VPS8: variants seen among roughly 807,000 people sequenced by gnomAD.
VPS8 encodes vacuolar protein sorting-associated protein 8 homolog.
Under a neutral mutation model 216.4 loss-of-function variants are expected in VPS8, and 129 were observed. The observed-to-expected ratio is 0.60, with a 90% CI of 0.52 to 0.69. The LOEUF is 0.69. Ranked by LOEUF, VPS8 falls within the 30% of genes least tolerant of loss-of-function variation. The pLI is 0.00. For missense variants in VPS8, 1,531 were observed against 1,683.5 expected (o/e 0.91, Z 1.59); for synonymous variants, 571 against 565.4 (o/e 1.01, Z -0.14).
intron 46 of VPS8, among the ~76,000 whole-genome samples, chr3:185,039,899 A>G (rs1440432566): frequency 6.6e-6 from 1 of 152,146 alleles, no homozygotes; most frequent in African/African-American, 2.4e-5. Flanking sequence ...CAAGCAGAGG[A>G]AGTTTCAGCA....
intron 46 of VPS8, among the ~76,000 whole-genome samples, chr3:185,042,155 T>C (rs1479629344): frequency 6.6e-6 from 1 of 152,262 alleles, no homozygotes; most frequent in Non-Finnish European, 1.5e-5. Context: ...GTGGGTATTA[T>C]TCCAGACATC....
At chr3:184,998,001 C>T (rs1752841740) in intron 44 of VPS8, among the ~76,000 whole-genome samples, 1 of 152,026 alleles carries the variant, frequency 6.6e-6, no homozygotes, top group African/African-American at 2.4e-5. Context: ...AGTGCAGAGA[C>T]CATGAGGCGG....
chr3:184,905,599 T>C (rs1735348292), intron 25 of VPS8, among the ~76,000 whole-genome samples: 1 of 150,102 alleles, frequency 6.7e-6, no homozygotes, highest in African/African-American at 2.5e-5. Context: ...TTAGAAGCTC[T>C]TTAGGTAGAA....
intron 19 of VPS8, 121 bp from the exon 20 acceptor site, chr3:184,869,361 C>A: frequency 1.9e-6 from 2 of 1,030,384 alleles, no homozygotes; most frequent in Admixed American, 2.4e-5. Flanking sequence ...ATTTTGATAG[C>A]TAAGAATTGT....
chr3:184,952,382 A>G (rs890644740), intron 36 of VPS8, among the ~76,000 whole-genome samples: 1 of 152,204 alleles, frequency 6.6e-6, no homozygotes, highest in Non-Finnish European at 1.5e-5. Flanking sequence ...GACACTATGT[A>G]TCTGGAGTTA....
At chr3:184,822,864 G>A (rs1372430865) in intron 1 of VPS8, among the ~76,000 whole-genome samples, 1 of 152,196 alleles carries the variant, frequency 6.6e-6, no homozygotes, top group Non-Finnish European at 1.5e-5. Context: ...CAGGCAAAGA[G>A]TGGCCTCAGT....
intron 10 of VPS8, among the ~76,000 whole-genome samples, chr3:184,851,158 A>T (rs1031856432): frequency 2.6e-5 from 4 of 152,230 alleles, no homozygotes; most frequent in Non-Finnish European, 5.9e-5. Context: ...TACAAGAGAA[A>T]TCCTTTTGCA....
At chr3:184,871,204 A>AATATAT (rs71272847) in intron 21 of VPS8, among the ~76,000 whole-genome samples, 4 of 149,262 alleles carry the variant, frequency 2.7e-5, no homozygotes, top group Admixed American at 1.3e-4. Context: ...ATCAATCACA[A>AATATAT]ATATATATAT....
At chr3:184,873,861 C>T (rs962751460) in intron 21 of VPS8, among the ~76,000 whole-genome samples, 5 of 152,016 alleles carry the variant, frequency 3.3e-5, no homozygotes, top group East Asian at 1.9e-4. Flanking sequence ...AGTAACTTTG[C>T]GTCAATTTTC....
In VPS8 at chr3:184,885,882, A is replaced by G. The variant is rs1423333610; in HGVS notation, c.1735-228A>G. The G allele has an allele frequency of 9.1e-6, 4 of 438,564 alleles. No homozygotes were observed. The Admixed American group carries it at 1.1e-4, about 12-fold the overall frequency. The allele number at this position is 438,564 out of a possible 1,614,324, so 27.2% of individuals were successfully genotyped here. ...AGTGAACACCTTAATGCATTAAAAT[A>G]ATTTTTATTCTTAAACATATTTAGG... On this transcript the variant is annotated intron_variant, in intron 21 of 47. Coordinates refer to ENST00000625842, the MANE Select transcript of VPS8 (RefSeq NM_001009921.3).
intron 21 of VPS8, among the ~76,000 whole-genome samples, chr3:184,879,729 T>A (rs1729946864): frequency 6.6e-6 from 1 of 151,816 alleles, no homozygotes; most frequent in Non-Finnish European, 1.5e-5. Flanking sequence ...AAGGCAACTC[T>A]GTGAGGATTC....
chr3:184,905,016 C>CCT (rs1735231539), intron 25 of VPS8, among the ~76,000 whole-genome samples: 1 of 152,180 alleles, frequency 6.6e-6, no homozygotes, highest in South Asian at 2.1e-4. Flanking sequence ...CTTGCTGTGT[C>CCT]CTCACATGGC....
rs150970849 is a variant in VPS8, at chr3:185,019,063, G to A, written c.4003-5273G>A. ...GCTCTGTTACCTCTTCTGTTACTTCGTTGTACTCTCCTTCCTCCTCATCAT... is the reference window on the plus strand; with the variant it reads ...GCTCTGTTACCTCTTCTGTTACTTCATTGTACTCTCCTTCCTCCTCATCAT... On this transcript the variant is annotated intron_variant, in intron 45 of 47. Coordinates refer to ENST00000625842, the MANE Select transcript of VPS8 (RefSeq NM_001009921.3). 1.5e-3 allele frequency among the ~76,000 whole-genome samples: 229 copies of A among 152,164 alleles called. 1 individual carries two copies. Among genetic ancestry groups the A allele is most frequent in the Middle Eastern group, 3.4e-3 (1 of 294 alleles).
At chr3:184,848,916 T>C in intron 8 of VPS8, 155 bp from the exon 9 acceptor site, 2 of 727,214 alleles carry the variant, frequency 2.8e-6, no homozygotes, top group Non-Finnish European at 2.2e-6. Context: ...CAGCATCTGC[T>C]AGTTGCTCAA....
At chr3:184,939,639 G>T (rs1210569560) in intron 35 of VPS8, among the ~76,000 whole-genome samples, 3 of 151,686 alleles carry the variant, frequency 2.0e-5, no homozygotes, top group Non-Finnish European at 1.5e-5. Flanking sequence ...TGAGTAAATG[G>T]CAAAAACAGA....
In VPS8 at chr3:184,957,446, G is replaced by T. The variant is rs762452279; in HGVS notation, c.3108G>T (p.Leu1036Phe). Residue 1036 changes from leucine (L) to phenylalanine (F), a missense_variant, in exon 37 of 48, where the codon TTG (leucine) becomes TTT (phenylalanine). Leu to Phe is a conservative substitution (Grantham distance 22). Transcript: ENST00000625842. Reference protein sequence around the residue: ...PCITEQFIELLCQFNPTQVIE... With the variant: ...PCITEQFIELFCQFNPTQVIE... ...TCACAGAGCAGTTCATTGAGCTGTT[G>T]TGTCAGTTCAACCCAACCCAAGTTA... The T allele has an allele frequency of 6.2e-7, 1 of 1,612,484 alleles. No homozygotes were observed. Among genetic ancestry groups the T allele is most frequent in the African/African-American group, 1.3e-5 (1 of 74,892 alleles).
intron 1 of VPS8, among the ~76,000 whole-genome samples, chr3:184,812,991 T>G (rs1715493220): frequency 6.6e-6 from 1 of 152,156 alleles, no homozygotes; most frequent in Non-Finnish European, 1.5e-5. Context: ...AAGGTGGGCC[T>G]CTGAAGTTCG....
chr3:184,829,222 CT>C (rs34500564), intron 3 of VPS8, among the ~76,000 whole-genome samples: 1 of 151,682 alleles, frequency 6.6e-6, no homozygotes, highest in South Asian at 2.1e-4. Flanking sequence ...TCATTTTGTT[CT>C]TTTTTTTGAG....
intron 42 of VPS8, among the ~76,000 whole-genome samples, chr3:184,989,749 G>A (rs896210284): frequency 6.6e-6 from 1 of 152,032 alleles, no homozygotes; most frequent in Non-Finnish European, 1.5e-5. Flanking sequence ...TGGTATTAGG[G>A]TGATGCTGGC....
Sources: allele counts gnomAD v4.1 joint callset (sites outside exome capture counted in the v4.1 genomes callset), GRCh38; gene constraint gnomAD v4.1.1; transcripts MANE v1.5; gene names NCBI Gene and HGNC (gene_info 2026-07-23, HGNC 2026-07-21).